The following PTPRG variants were observed in gnomAD, a reference collection of about 807,000 sequenced individuals.
The protein encoded by PTPRG is receptor-type tyrosine-protein phosphatase gamma.
In PTPRG, 102 loss-of-function variants were observed where a neutral mutation model predicts 165.3. The observed-to-expected ratio is 0.62, with a 90% CI of 0.53 to 0.73. PTPRG has a LOEUF of 0.73. Ranked by LOEUF, PTPRG falls within the 30% of genes least tolerant of loss-of-function variation. The pLI, the probability that PTPRG is intolerant of heterozygous loss-of-function variation, is 0.00. For missense variants in PTPRG, 1,866 were observed against 1,861.4 expected (o/e 1.00, Z -0.05); for synonymous variants, 675 against 669.5 (o/e 1.01, Z -0.13).
intron 2 of PTPRG, among the ~76,000 whole-genome samples, chr3:61,951,602 A>C (rs942625364): frequency 4.6e-5 from 7 of 152,010 alleles, no homozygotes; most frequent in African/African-American, 1.7e-4. Flanking sequence ...GGACTCCCCT[A>C]ATTTCCTGTG....
intron 1 of PTPRG, among the ~76,000 whole-genome samples, chr3:61,672,812 G>GGAGAGA (rs1304800137): frequency 1.4e-5 from 2 of 147,974 alleles, no homozygotes; most frequent in African/African-American, 5.0e-5. Context: ...GGAGAGAGAG[G>GGAGAGA]GAGAGAGAGA....
At chr3:61,609,138 C>G (rs1159109864) in intron 1 of PTPRG, among the ~76,000 whole-genome samples, 1 of 152,194 alleles carries the variant, frequency 6.6e-6, no homozygotes, top group Non-Finnish European at 1.5e-5. Flanking sequence ...ATACCTTCAT[C>G]AAGGTATAGG....
At chr3:61,854,991 A>G (rs762926818) in intron 2 of PTPRG, among the ~76,000 whole-genome samples, 5 of 152,176 alleles carry the variant, frequency 3.3e-5, no homozygotes, top group Middle Eastern at 3.2e-3. Flanking sequence ...CCGCTGGTTT[A>G]TAGTGGTATG....
chr3:62,183,409 C>T (rs1705736243), intron 8 of PTPRG, among the ~76,000 whole-genome samples: 1 of 151,928 alleles, frequency 6.6e-6, no homozygotes, highest in Non-Finnish European at 1.5e-5. Flanking sequence ...ACTAAAGATA[C>T]CAAAATTGGC....
chr3:61,629,007 C>T (rs1315122989), intron 1 of PTPRG, among the ~76,000 whole-genome samples: 1 of 152,062 alleles, frequency 6.6e-6, no homozygotes, highest in East Asian at 1.9e-4. Context: ...GAAACGTCTG[C>T]CATGCATTTT....
intron 1 of PTPRG, among the ~76,000 whole-genome samples, chr3:61,718,439 T>TA (rs1300405801): frequency 6.6e-6 from 1 of 152,130 alleles, no homozygotes; most frequent in Non-Finnish European, 1.5e-5. Context: ...CTTTAACACA[T>TA]ACTTGGCTTC....
At chr3:61,573,575 A>G (rs898858571) in intron 1 of PTPRG, among the ~76,000 whole-genome samples, 1 of 152,172 alleles carries the variant, frequency 6.6e-6, no homozygotes, top group East Asian at 1.9e-4. Context: ...GTGATACGCA[A>G]TACATTTACA....
chr3:62,141,146 G>A (rs1384507411), intron 6 of PTPRG, among the ~76,000 whole-genome samples: 2 of 152,164 alleles, frequency 1.3e-5, no homozygotes, highest in East Asian at 1.9e-4. Context: ...AATCTTGACA[G>A]TGTCAAGTGT....
At chr3:62,095,396 G>C (rs1254171433) in intron 5 of PTPRG, among the ~76,000 whole-genome samples, 2 of 152,190 alleles carry the variant, frequency 1.3e-5, no homozygotes, top group Non-Finnish European at 2.9e-5. Flanking sequence ...ACAGCAGTTA[G>C]AGGTTACACC....
intron 12 of PTPRG, among the ~76,000 whole-genome samples, chr3:62,204,567 A>C (rs11719522): frequency 0.094 from 14,236 of 152,238 alleles, 769 homozygotes; most frequent in Non-Finnish European, 0.11. Context: ...GAGGAAATAA[A>C]CAGGATGCTG....
intron 1 of PTPRG, among the ~76,000 whole-genome samples, chr3:61,628,266 C>T (rs1284311911): frequency 1.3e-5 from 2 of 152,046 alleles, no homozygotes; most frequent in Non-Finnish European, 2.9e-5. Context: ...TGTAATTTTT[C>T]TCTTTTCTAG....
intron 2 of PTPRG, among the ~76,000 whole-genome samples, chr3:61,941,524 G>A (rs894255148): frequency 6.6e-6 from 1 of 152,210 alleles, no homozygotes; most frequent in African/African-American, 2.4e-5. Flanking sequence ...TTGGGAGGCT[G>A]AGGCAGGGGA....
chr3:62,191,729 C>T, intron 9 of PTPRG, 76 bp downstream of exon 9: 1 of 1,383,962 alleles, frequency 7.2e-7, no homozygotes, highest in Non-Finnish European at 1.0e-6. Context: ...CCAGGCACTG[C>T]ACAGTGTGCC....
intron 2 of PTPRG, among the ~76,000 whole-genome samples, chr3:61,884,818 C>A (rs1432342359): frequency 6.6e-6 from 1 of 152,114 alleles, no homozygotes; most frequent in African/African-American, 2.4e-5. Flanking sequence ...TTCAAGTTTT[C>A]CACTTGCCAT....
chr3:61,681,191 T>C (rs1428174871), intron 1 of PTPRG, among the ~76,000 whole-genome samples: 1 of 152,206 alleles, frequency 6.6e-6, no homozygotes, highest in Non-Finnish European at 1.5e-5. Flanking sequence ...AAGCTTCTTT[T>C]CTTGCTTTTA....
chr3:61,846,868 T>G (rs541577833), intron 2 of PTPRG, among the ~76,000 whole-genome samples: 12 of 152,250 alleles, frequency 7.9e-5, no homozygotes, highest in Non-Finnish European at 1.5e-4. Flanking sequence ...TGAGCTAAGA[T>G]GGCACCACTG....
intron 1 of PTPRG, among the ~76,000 whole-genome samples, chr3:61,612,093 C>T (rs1161355950): frequency 2.0e-5 from 3 of 152,100 alleles, no homozygotes; most frequent in African/African-American, 7.2e-5. Flanking sequence ...CAGGCGCCTG[C>T]CACCATGACT....
chr3:61,694,025 AAG>A lies in PTPRG; in HGVS notation c.86-54836_86-54835del, dbSNP rs770989000. ...TCCATCTCCAAAAAAAAAAAAAAAA[AAG>A]AGAGAGAGAGAGAGAGGGAAGCAAG... is the stretch of plus-strand genomic sequence containing the variant. On this transcript the variant is annotated intron_variant, in intron 1 of 29. Coordinates refer to ENST00000474889, the MANE Select transcript of PTPRG (RefSeq NM_002841.4). Among the ~76,000 whole-genome samples, 421 of 145,928 alleles carry A rather than the reference AAG, an allele frequency of 2.9e-3. 1 individual carries two copies. The highest frequency in any genetic ancestry group is 9.9e-3 in the African/African-American group (390 of 39,382).
chr3:62,085,550 A>G (rs1207391178), intron 5 of PTPRG, among the ~76,000 whole-genome samples: 2 of 152,022 alleles, frequency 1.3e-5, no homozygotes, highest in South Asian at 2.1e-4. Context: ...TCATTTTGCT[A>G]ATTTTCTTTC....
Sources: allele counts gnomAD v4.1 joint callset (sites outside exome capture counted in the v4.1 genomes callset), GRCh38; gene constraint gnomAD v4.1.1; transcripts MANE v1.5; gene names NCBI Gene and HGNC (gene_info 2026-07-23, HGNC 2026-07-21).